NRCAM: variants seen among roughly 807,000 people sequenced by gnomAD.
NRCAM encodes the protein neuronal cell adhesion molecule.
In NRCAM, 83 loss-of-function variants were observed where a neutral mutation model predicts 156.5. That is an observed-to-expected ratio of 0.53 (90% CI 0.44 to 0.64). NRCAM has a LOEUF of 0.64. Among genes scored for constraint, NRCAM ranks in the 30% least tolerant of loss-of-function variants. The pLI, the probability that NRCAM is intolerant of heterozygous loss-of-function variation, is 0.00. For synonymous variants in NRCAM, 538 were observed against 563.9 expected (o/e 0.95, Z 0.65); for missense variants, 1,417 against 1,597.3 (o/e 0.89, Z 1.92).
chr7:108,308,258 A>G (rs2098747938), intron 3 of NRCAM, among the ~76,000 whole-genome samples: 1 of 152,194 alleles, frequency 6.6e-6, no homozygotes, highest in African/African-American at 2.4e-5. Context: ...ATTTTGGTGA[A>G]CCTCAAAATT....
At position 108,194,075 on chromosome 7, in the gene NRCAM, G is replaced by T; in HGVS notation, c.1727C>A (p.Ser576Tyr). 1 of 1,614,146 alleles carries T rather than the reference G, an allele frequency of 6.2e-7. No homozygotes were observed. The highest frequency in any genetic ancestry group is 8.5e-7 in the Non-Finnish European group (1 of 1,179,988). Residue 576 changes from serine to tyrosine, a missense_variant, in exon 17 of 33, where the codon TCC (serine) becomes TAC (tyrosine). Coordinates refer to ENST00000379028, the MANE Select transcript of NRCAM (RefSeq NM_001037132.4). ...GTCCTTCAGCCACAGGACAGTGAGGGATAAGGTGTGATCATGTTTCACTTT... is the reference window on the plus strand; with the variant it reads ...GTCCTTCAGCCACAGGACAGTGAGGTATAAGGTGTGATCATGTTTCACTTT... The part of the protein sequence containing the change: ...ECKVKHDHTL[S>Y]LTVLWLKDNR...
intron 3 of NRCAM, among the ~76,000 whole-genome samples, chr7:108,299,127 A>AAAGAAAGAAAGAAAGAAAGAAAGG (rs2098531321): frequency 9.2e-6 from 1 of 108,220 alleles, no homozygotes; most frequent in East Asian, 2.5e-4. Flanking sequence ...AGAAAGAAAG[A>AAAGAAAGAAAGAAAGAAAGAAAGG]AAGAAAGAAA....
intron 30 of NRCAM, 131 bp downstream of exon 30, chr7:108,166,790 C>A: frequency 1.4e-6 from 1 of 692,220 alleles, no homozygotes; most frequent in Non-Finnish European, 2.2e-6. Flanking sequence ...ACTCCCAACC[C>A]AACAGGGCCC....
At chr7:108,280,638 C>T (rs1179967405) in intron 3 of NRCAM, among the ~76,000 whole-genome samples, 1 of 152,160 alleles carries the variant, frequency 6.6e-6, no homozygotes, top group Admixed American at 6.6e-5. Flanking sequence ...TTTGGTGCTA[C>T]TGAAAATAGT....
intron 19 of NRCAM, 24 bp downstream of exon 19, chr7:108,191,230 G>A: frequency 6.3e-7 from 1 of 1,588,284 alleles, no homozygotes; most frequent in Non-Finnish European, 8.6e-7. Context: ...AGAAAACAGA[G>A]AAAGAAGACT....
chr7:108,216,376 G>T (rs965667431), intron 11 of NRCAM, among the ~76,000 whole-genome samples: 3 of 152,130 alleles, frequency 2.0e-5, no homozygotes, highest in African/African-American at 7.2e-5. Context: ...TGGTGAATCT[G>T]ATGATTATTT....
chr7:108,453,081 T>A (rs551017732), intron 1 of NRCAM, among the ~76,000 whole-genome samples: 1 of 152,320 alleles, frequency 6.6e-6, no homozygotes, highest in Non-Finnish European at 1.5e-5. Flanking sequence ...AGAATTAATC[T>A]TCCCAAGGAC....
intron 1 of NRCAM, among the ~76,000 whole-genome samples, chr7:108,450,403 T>C (rs1271122709): frequency 6.6e-6 from 1 of 152,204 alleles, no homozygotes; most frequent in African/African-American, 2.4e-5. Context: ...ACATCTTTTT[T>C]ATTAGCTCAG....
At chr7:108,248,176 AG>A (rs1166179239) in intron 3 of NRCAM, among the ~76,000 whole-genome samples, 2 of 152,168 alleles carry the variant, frequency 1.3e-5, no homozygotes, top group Non-Finnish European at 2.9e-5. Context: ...TCAGCAAAAA[AG>A]GCCCTTCAGG....
At chr7:108,159,794 C>A (rs2047741324) in intron 31 of NRCAM, among the ~76,000 whole-genome samples, 1 of 151,442 alleles carries the variant, frequency 6.6e-6, no homozygotes. Context: ...TTTTAAGTTT[C>A]TAAGATTTCC....
At chr7:108,191,874 G>A in intron 17 of NRCAM, 21 bp from the exon 18 acceptor site, 1 of 1,608,388 alleles carries the variant, frequency 6.2e-7, no homozygotes, top group Non-Finnish European at 8.5e-7. Context: ...AATGCATTCA[G>A]AGCAGCTGAA....
At chr7:108,365,644 AG>A (rs1595257516) in intron 2 of NRCAM, among the ~76,000 whole-genome samples, 1 of 152,206 alleles carries the variant, frequency 6.6e-6, no homozygotes, top group East Asian at 1.9e-4. Flanking sequence ...AAAACCACAC[AG>A]CTAAAACATA....
At chr7:108,373,783 G>A (rs1443802203) in intron 2 of NRCAM, among the ~76,000 whole-genome samples, 2 of 152,182 alleles carry the variant, frequency 1.3e-5, no homozygotes, top group Non-Finnish European at 1.5e-5. Context: ...TGGGCAACAT[G>A]CATTTGGACT....
At chr7:108,220,859 A>C (rs1343743723) in intron 11 of NRCAM, among the ~76,000 whole-genome samples, 1 of 152,238 alleles carries the variant, frequency 6.6e-6, no homozygotes, top group East Asian at 1.9e-4. Context: ...GGACTTAATT[A>C]AATTAAAGAG....
chr7:108,264,070 C>T (rs1190866056), intron 3 of NRCAM, among the ~76,000 whole-genome samples: 3 of 152,108 alleles, frequency 2.0e-5, no homozygotes, highest in South Asian at 2.1e-4. Context: ...CTCTGTCTCC[C>T]GAGTTCAAGC....
intron 1 of NRCAM, among the ~76,000 whole-genome samples, chr7:108,426,585 C>A (rs560390358): frequency 1.3e-5 from 2 of 152,186 alleles, no homozygotes; most frequent in African/African-American, 2.4e-5. Context: ...GGGTGAAAAA[C>A]CAGCTACATT....
intron 3 of NRCAM, among the ~76,000 whole-genome samples, chr7:108,275,558 T>C (rs1408905342): frequency 6.6e-6 from 1 of 152,248 alleles, no homozygotes; most frequent in East Asian, 1.9e-4. Context: ...TGGTAGTTTG[T>C]ATTTCTGCGG....
intron 1 of NRCAM, among the ~76,000 whole-genome samples, chr7:108,453,769 A>G (rs1853266661): frequency 1.3e-5 from 2 of 152,254 alleles, no homozygotes; most frequent in Non-Finnish European, 2.9e-5. Context: ...TATAATTCTA[A>G]AAGCTATTCC....
At chr7:108,259,271 C>T (rs542528915) in intron 3 of NRCAM, among the ~76,000 whole-genome samples, 1 of 152,284 alleles carries the variant, frequency 6.6e-6, no homozygotes, top group African/African-American at 2.4e-5. Context: ...CACTTAAATC[C>T]ATACAAATTT....
Sources: gnomAD v4.1 joint callset for allele counts (sites outside exome capture counted in the v4.1 genomes callset) on GRCh38, gnomAD v4.1.1 for gene constraint, MANE v1.5 for transcripts, NCBI Gene and HGNC (gene_info 2026-07-23, HGNC 2026-07-21) for gene names.